The following ITPR2 variants were observed in gnomAD, a reference collection of about 807,000 sequenced individuals.
The protein encoded by ITPR2 is inositol 1,4,5-trisphosphate-gated calcium channel ITPR2.
A neutral mutation model predicts 317.1 loss-of-function variants in ITPR2; 207 were observed. The observed-to-expected ratio is 0.65, with a 90% CI of 0.58 to 0.73. ITPR2 has a LOEUF of 0.73. Ranked by LOEUF, ITPR2 falls within the 30% of genes least tolerant of loss-of-function variation. ITPR2 has a pLI of 0.00. For missense variants in ITPR2, 2,613 were observed against 3,284.0 expected, an observed-to-expected ratio of 0.80 and a Z score of 4.99; for synonymous variants, 1,156 against 1,149.1, an observed-to-expected ratio of 1.01 and a Z score of -0.12.
At chr12:26,785,504 G>C (rs1241678506) in intron 2 of ITPR2, among the ~76,000 whole-genome samples, 2 of 66,638 alleles carry the variant, frequency 3.0e-5, no homozygotes, top group Non-Finnish European at 7.7e-5. Context: ...CGCCCCTACT[G>C]GGAAGTGAGG....
intron 35 of ITPR2, among the ~76,000 whole-genome samples, chr12:26,557,576 T>C (rs1472457865): frequency 6.6e-6 from 1 of 152,224 alleles, no homozygotes; most frequent in Non-Finnish European, 1.5e-5. Flanking sequence ...AGCCCTCGTG[T>C]GACCCTGGGA....
intron 1 of ITPR2, among the ~76,000 whole-genome samples, chr12:26,828,949 C>G (rs2344964): frequency 2.6e-5 from 4 of 152,112 alleles, no homozygotes; most frequent in Non-Finnish European, 5.9e-5. Context: ...GATGGAAGAC[C>G]TATGGTCAGG....
chr12:26,400,457 T>G (rs143695760), intron 52 of ITPR2, among the ~76,000 whole-genome samples, 199 bp from the exon 53 acceptor site: 1 of 152,056 alleles, frequency 6.6e-6, no homozygotes, highest in Non-Finnish European at 1.5e-5. Context: ...CAAATGTATA[T>G]GAATATAATA....
At chr12:26,527,057 C>A (rs908715174) in intron 37 of ITPR2, among the ~76,000 whole-genome samples, 1 of 152,206 alleles carries the variant, frequency 6.6e-6, no homozygotes, top group African/African-American at 2.4e-5. Context: ...AGTTAACACT[C>A]ACTTCTAGTG....
intron 45 of ITPR2, among the ~76,000 whole-genome samples, chr12:26,456,167 GT>G (rs1176668471): frequency 3.3e-5 from 5 of 152,222 alleles, no homozygotes; most frequent in African/African-American, 9.6e-5. Flanking sequence ...GAGATAGGAG[GT>G]TGGCACAAGG....
chr12:26,397,086 T>C (rs570939975), intron 54 of ITPR2, among the ~76,000 whole-genome samples: 1 of 151,006 alleles, frequency 6.6e-6, no homozygotes, highest in Admixed American at 6.6e-5. Context: ...GCCATGGTGC[T>C]CTAAAGCAAA....
intron 49 of ITPR2, among the ~76,000 whole-genome samples, chr12:26,426,700 A>G (rs1941070650): frequency 6.6e-6 from 1 of 152,062 alleles, no homozygotes; most frequent in Non-Finnish European, 1.5e-5. Flanking sequence ...CATCATGTCT[A>G]ATTTTCGAAG....
At chr12:26,395,669 C>T (rs1939975554) in intron 54 of ITPR2, among the ~76,000 whole-genome samples, 1 of 152,188 alleles carries the variant, frequency 6.6e-6, no homozygotes, top group African/African-American at 2.4e-5. Flanking sequence ...AGGGCAGCAT[C>T]ATTCTCCTGT....
At chr12:26,761,062 G>T (rs1346983478) in intron 2 of ITPR2, among the ~76,000 whole-genome samples, 1 of 152,172 alleles carries the variant, frequency 6.6e-6, no homozygotes, top group African/African-American at 2.4e-5. Flanking sequence ...GTAGAGCCAG[G>T]CTTCAGGCCA....
chr12:26,676,574 C>T (rs548291588), intron 13 of ITPR2, among the ~76,000 whole-genome samples: 4 of 149,646 alleles, frequency 2.7e-5, no homozygotes, highest in African/African-American at 9.8e-5. Flanking sequence ...ACTGAATGGA[C>T]TAAAGAATAA....
At chr12:26,671,781 C>A (rs1391149725) in intron 13 of ITPR2, among the ~76,000 whole-genome samples, 2 of 152,198 alleles carry the variant, frequency 1.3e-5, no homozygotes, top group African/African-American at 2.4e-5. Context: ...CAAGACTCAT[C>A]AGTGTGCTGT....
At chr12:26,813,938 G>A (rs75894559) in intron 1 of ITPR2, among the ~76,000 whole-genome samples, 5,655 of 152,216 alleles carry the variant, frequency 0.037, 162 homozygotes, top group Non-Finnish European at 0.059. Flanking sequence ...TGTTGTCTCC[G>A]CCTATCCATC....
intron 45 of ITPR2, among the ~76,000 whole-genome samples, chr12:26,471,598 A>G (rs1168701059): frequency 6.6e-6 from 1 of 152,228 alleles, no homozygotes; most frequent in Non-Finnish European, 1.5e-5. Flanking sequence ...CACCAACCAC[A>G]GGAAAGGCCA....
intron 40 of ITPR2, 99 bp downstream of exon 40, chr12:26,486,969 A>T: frequency 1.6e-6 from 2 of 1,233,378 alleles, no homozygotes; most frequent in Non-Finnish European, 2.4e-6. Context: ...GGGGATAATT[A>T]AACCAAGAGA....
At chr12:26,696,882 C>G (rs910257654) in intron 9 of ITPR2, among the ~76,000 whole-genome samples, 1 of 152,160 alleles carries the variant, frequency 6.6e-6, no homozygotes, top group African/African-American at 2.4e-5. Flanking sequence ...AAACTGCTTC[C>G]CTAGTCTGCT....
intron 55 of ITPR2, among the ~76,000 whole-genome samples, chr12:26,355,599 T>A (rs937653413): frequency 2.6e-5 from 4 of 152,154 alleles, no homozygotes; most frequent in African/African-American, 9.7e-5. Flanking sequence ...TTTGTGAGAG[T>A]GGTCCGTACT....
At chr12:26,812,501 C>G (rs1950773665) in intron 1 of ITPR2, among the ~76,000 whole-genome samples, 1 of 152,174 alleles carries the variant, frequency 6.6e-6, no homozygotes, top group Non-Finnish European at 1.5e-5. Flanking sequence ...ATGGCGTGAA[C>G]CCGTGAGGCG....
intron 56 of ITPR2, 45 bp from the exon 57 acceptor site, chr12:26,339,528 T>C (rs1317980944): frequency 6.6e-7 from 1 of 1,519,798 alleles, no homozygotes; most frequent in South Asian, 1.1e-5. Context: ...TTTCTCACTC[T>C]TACCCAGTGC....
At chr12:26,824,182 T>C (rs1327750391) in intron 1 of ITPR2, among the ~76,000 whole-genome samples, 1 of 152,198 alleles carries the variant, frequency 6.6e-6, no homozygotes, top group Non-Finnish European at 1.5e-5. Flanking sequence ...GCCTATTTTG[T>C]AATAAAAGTG....
Sources: allele counts gnomAD v4.1 joint callset (sites outside exome capture counted in the v4.1 genomes callset), GRCh38; gene constraint gnomAD v4.1.1; transcripts MANE v1.5; gene names NCBI Gene and HGNC (gene_info 2026-07-23, HGNC 2026-07-21).